Variants in KANK1 observed in about 807,000 individuals in gnomAD.
KANK1 encodes KN motif and ankyrin repeat domain-containing protein 1.
KANK1 carries 109 observed loss-of-function variants against 106.2 expected under a neutral mutation model. That is an observed-to-expected ratio of 1.03 (90% CI 0.88 to 1.20). The LOEUF (loss-of-function observed/expected upper bound fraction) is 1.20. Among genes scored for constraint, KANK1 ranks in the 50% most tolerant of loss-of-function variants. The pLI is 0.00. For missense variants in KANK1, 2,399 were observed against 1,710.7 expected (o/e 1.40, Z -7.10); for synonymous variants, 873 against 652.2 (o/e 1.34, Z -5.16).
chr9:743,890 T>C (rs1836427908), intron 10 of KANK1, among the ~76,000 whole-genome samples: 1 of 152,206 alleles, frequency 6.6e-6, no homozygotes, highest in Admixed American at 6.5e-5. Flanking sequence ...AGTTGTGTTG[T>C]TCTTTCCCTT....
intron 1 of KANK1, among the ~76,000 whole-genome samples, chr9:541,905 C>A (rs921117842): frequency 3.3e-5 from 5 of 150,926 alleles, no homozygotes; most frequent in South Asian, 2.1e-4. Context: ...CTGGCTAACA[C>A]GGTGAAACCC....
At chr9:570,261 G>A (rs983791840) in intron 1 of KANK1, among the ~76,000 whole-genome samples, 2 of 152,170 alleles carry the variant, frequency 1.3e-5, no homozygotes. Context: ...TAAATCCGTA[G>A]CTGTATTTTC....
intron 3 of KANK1, among the ~76,000 whole-genome samples, chr9:729,702 T>C (rs1172664501): frequency 6.6e-6 from 1 of 152,168 alleles, no homozygotes; most frequent in African/African-American, 2.4e-5. Flanking sequence ...GCTGGAATAA[T>C]GATGGCATTG....
chr9:642,642 G>C (rs190837628), intron 1 of KANK1, among the ~76,000 whole-genome samples: 1 of 150,902 alleles, frequency 6.6e-6, no homozygotes, highest in Admixed American at 6.6e-5. Flanking sequence ...CTTTGAGTGG[G>C]AGAAAAATTC....
At chr9:597,439 G>A (rs1002356105) in intron 1 of KANK1, among the ~76,000 whole-genome samples, 5 of 151,684 alleles carry the variant, frequency 3.3e-5, no homozygotes, top group Non-Finnish European at 7.4e-5. Flanking sequence ...TTATGGTTTT[G>A]ATTTATATTT....
chr9:616,205 A>G (rs1281680733), intron 1 of KANK1, among the ~76,000 whole-genome samples: 2 of 152,190 alleles, frequency 1.3e-5, no homozygotes, highest in African/African-American at 4.8e-5. Context: ...TAGACTTCCA[A>G]ATTTTATCCG....
Position 738,473 on chromosome 9 carries a change from C to T in KANK1, c.3522C>T (p.Asn1174=), listed in dbSNP as rs1486212604. 1.9e-6 allele frequency: 3 copies of T among 1,614,052 alleles called. No homozygotes were observed. The highest frequency in any genetic ancestry group is 2.5e-6 in the Non-Finnish European group (3 of 1,180,014). ...TCCATTACAGCGTGTCCCACTCCAACTTCGAGATTGTGAAGCTGCTGTTAG... is the reference window on the plus strand; with the variant it reads ...TCCATTACAGCGTGTCCCACTCCAATTTCGAGATTGTGAAGCTGCTGTTAG... The part of the protein sequence containing the change: ...TALHYSVSHS[N]FEIVKLLLDA... The change falls in exon 8 of 12, where the codon AAC becomes AAT. Residue 1174 remains asparagine (N), a synonymous_variant. Coordinates refer to ENST00000382297, the MANE Select transcript of KANK1 (RefSeq NM_015158.5).
chr9:678,408 A>G lies in KANK1; in HGVS notation c.37+1399A>G, dbSNP rs150366906. Among the ~76,000 whole-genome samples, 1,324 of 152,264 alleles carry G rather than the reference A, an allele frequency of 8.7e-3. 15 individuals are homozygous for G. Among genetic ancestry groups the G allele is most frequent in the African/African-American group, 0.029 (1,185 of 41,530 alleles). On this transcript the variant is annotated intron_variant, in intron 2 of 11. Transcript: ENST00000382297. ...TCATCCCTATGTAATGTCACAGAGA[A>G]GTTCAGGGACTTACTGTAAATGAAG...
intron 1 of KANK1, among the ~76,000 whole-genome samples, chr9:621,244 CA>C (rs1164394745): frequency 1.1e-4 from 16 of 152,120 alleles, no homozygotes; most frequent in Middle Eastern, 3.4e-3. Context: ...TAATTGCAAC[CA>C]AAAGTAAATT....
At chr9:583,174 G>T (rs1412285981) in intron 1 of KANK1, among the ~76,000 whole-genome samples, 1 of 152,120 alleles carries the variant, frequency 6.6e-6, no homozygotes, top group African/African-American at 2.4e-5. Context: ...AAACACAGCT[G>T]GGAATAATTC....
intron 1 of KANK1, among the ~76,000 whole-genome samples, chr9:613,246 G>C (rs1415413328): frequency 6.6e-6 from 1 of 151,238 alleles, no homozygotes; most frequent in Non-Finnish European, 1.5e-5. Flanking sequence ...AGCAACTCAA[G>C]AAAAGCACAA....
intron 3 of KANK1, among the ~76,000 whole-genome samples, chr9:494,676 G>C (rs2058432354): frequency 6.6e-6 from 1 of 152,204 alleles, no homozygotes. Flanking sequence ...AACCATGTGA[G>C]CTGCTGAGTC....
chr9:562,648 A>G (rs1816794845), intron 1 of KANK1, among the ~76,000 whole-genome samples: 1 of 152,204 alleles, frequency 6.6e-6, no homozygotes, highest in African/African-American at 2.4e-5. Flanking sequence ...AGAGAGTTAC[A>G]GTGAGGATTT....
chr9:566,250 C>T (rs1817780038), intron 1 of KANK1, among the ~76,000 whole-genome samples: 3 of 152,196 alleles, frequency 2.0e-5, no homozygotes, highest in African/African-American at 7.2e-5. Flanking sequence ...TCTTTATCCA[C>T]TGTACCACTG....
chr9:616,739 G>A (rs7029354), intron 1 of KANK1, among the ~76,000 whole-genome samples: 12,581 of 152,230 alleles, frequency 0.083, 760 homozygotes, highest in African/African-American at 0.17. Context: ...GTCAGCTGCA[G>A]CTGTGTTCAG....
chr9:568,492 C>T (rs1161761568), intron 1 of KANK1, among the ~76,000 whole-genome samples: 1 of 151,986 alleles, frequency 6.6e-6, no homozygotes, highest in Non-Finnish European at 1.5e-5. Flanking sequence ...GCTCTGTGAC[C>T]CAGGCTGGAG....
At chr9:683,090 C>T (rs544440248) in intron 2 of KANK1, among the ~76,000 whole-genome samples, 2 of 152,276 alleles carry the variant, frequency 1.3e-5, no homozygotes, top group African/African-American at 2.4e-5. Flanking sequence ...AGGAAACACA[C>T]AGCACAGCAG....
At position 666,424 on chromosome 9, in the gene KANK1, A is replaced by G. The variant is rs139290083; in HGVS notation, c.-83-10466A>G. On this transcript the variant is annotated intron_variant, in intron 1 of 11. Transcript: ENST00000382297. Reference sequence around the variant, plus strand: ...AGCGAATTTGACTTCTTTCTTTCCAATATGAACACCTTTATTTTTTTTTCT... The same window carrying G: ...AGCGAATTTGACTTCTTTCTTTCCAGTATGAACACCTTTATTTTTTTTTCT... 1.5e-4 allele frequency among the ~76,000 whole-genome samples: 23 copies of G among 152,268 alleles called. No individual in the cohort carries two copies. In the East Asian group the frequency reaches 4.4e-3, roughly 29 times the overall value.
At chr9:489,570 C>G (rs762820180) in intron 3 of KANK1, among the ~76,000 whole-genome samples, 1 of 152,156 alleles carries the variant, frequency 6.6e-6, no homozygotes, top group Non-Finnish European at 1.5e-5. Context: ...GAAAATCAGA[C>G]AGAGATAGTC....
Sources: allele counts gnomAD v4.1 joint callset (sites outside exome capture counted in the v4.1 genomes callset), GRCh38; gene constraint gnomAD v4.1.1; transcripts MANE v1.5; gene names NCBI Gene and HGNC (gene_info 2026-07-23, HGNC 2026-07-21).